The following EPHB1 variants were observed in gnomAD, a reference collection of about 807,000 sequenced individuals.
EPHB1 encodes ephrin type-B receptor 1.
Under a neutral mutation model 94.4 loss-of-function variants are expected in EPHB1, and 30 were observed. The observed-to-expected ratio is 0.32, with a 90% CI of 0.24 to 0.43. The LOEUF is 0.43. EPHB1 is among the 20% of genes least tolerant of loss of function. EPHB1 has a pLI of 1.00. For missense variants in EPHB1, 1,055 were observed against 1,308.3 expected, an observed-to-expected ratio of 0.81 and a Z score of 2.99; for synonymous variants, 522 against 489.1, an observed-to-expected ratio of 1.07 and a Z score of -0.89.
intron 1 of EPHB1, among the ~76,000 whole-genome samples, chr3:134,905,409 C>T (rs532021643): frequency 1.3e-4 from 20 of 152,338 alleles, no homozygotes; most frequent in East Asian, 3.9e-4. Flanking sequence ...TGTCACTTTC[C>T]GCATGTCAGG....
At chr3:135,049,712 G>C (rs1420861248) in intron 3 of EPHB1, among the ~76,000 whole-genome samples, 1 of 152,220 alleles carries the variant, frequency 6.6e-6, no homozygotes, top group Non-Finnish European at 1.5e-5. Flanking sequence ...CAGGTACTTT[G>C]GGGACCAGGT....
At chr3:135,127,687 A>G (rs1940259875) in intron 4 of EPHB1, among the ~76,000 whole-genome samples, 2 of 152,176 alleles carry the variant, frequency 1.3e-5, no homozygotes, top group South Asian at 4.1e-4. Context: ...AATGCCTGCA[A>G]ATAAACTCAC....
At chr3:135,236,472 G>C (rs1192226523) in intron 12 of EPHB1, among the ~76,000 whole-genome samples, 1 of 152,044 alleles carries the variant, frequency 6.6e-6, no homozygotes, top group African/African-American at 2.4e-5. Context: ...CTTTTGTGGG[G>C]ATATAACTCA....
At chr3:134,855,200 T>C (rs530453625) in intron 1 of EPHB1, among the ~76,000 whole-genome samples, 4 of 152,286 alleles carry the variant, frequency 2.6e-5, no homozygotes, top group African/African-American at 9.6e-5. Context: ...TCTTCTAAAA[T>C]AGAATGGGTT....
intron 3 of EPHB1, among the ~76,000 whole-genome samples, chr3:134,960,949 C>T (rs1168310181): frequency 6.6e-6 from 1 of 152,176 alleles, no homozygotes; most frequent in Admixed American, 6.5e-5. Flanking sequence ...CTGGTCAGAG[C>T]TGGAGTCACT....
intron 9 of EPHB1, among the ~76,000 whole-genome samples, chr3:135,176,396 G>A (rs1941978970): frequency 1.3e-5 from 2 of 152,130 alleles, no homozygotes; most frequent in African/African-American, 4.8e-5. Context: ...TTGCATAGAT[G>A]CAGCCATTAA....
At chr3:134,829,338 G>A (rs939307123) in intron 1 of EPHB1, among the ~76,000 whole-genome samples, 1 of 152,138 alleles carries the variant, frequency 6.6e-6, no homozygotes, top group Non-Finnish European at 1.5e-5. Context: ...TAAGACTTTG[G>A]GGGTGGGGGT....
At chr3:135,013,987 C>T (rs1316332786) in intron 3 of EPHB1, among the ~76,000 whole-genome samples, 2 of 152,112 alleles carry the variant, frequency 1.3e-5, no homozygotes, top group African/African-American at 4.8e-5. Flanking sequence ...ATGTTCATTC[C>T]TGCTTGAGTC....
chr3:134,904,977 A>C (rs1043724311), intron 1 of EPHB1, among the ~76,000 whole-genome samples: 2 of 152,146 alleles, frequency 1.3e-5, no homozygotes, highest in Non-Finnish European at 2.9e-5. Flanking sequence ...ACAGGACTGC[A>C]CTTGGAGAGA....
At chr3:135,049,039 G>T (rs1396428655) in intron 3 of EPHB1, among the ~76,000 whole-genome samples, 1 of 152,172 alleles carries the variant, frequency 6.6e-6, no homozygotes, top group Non-Finnish European at 1.5e-5. Context: ...ACAGTCCACT[G>T]GCTTTTTTGG....
chr3:134,799,652 C>T (rs981534195), intron 1 of EPHB1, among the ~76,000 whole-genome samples: 1 of 152,198 alleles, frequency 6.6e-6, no homozygotes, highest in Non-Finnish European at 1.5e-5. Context: ...TTGTGATGCT[C>T]CCGAGCCTGG....
chr3:135,042,345 T>C (rs1377537664), intron 3 of EPHB1, among the ~76,000 whole-genome samples: 2 of 152,194 alleles, frequency 1.3e-5, no homozygotes, highest in African/African-American at 2.4e-5. Context: ...CACTGTTACA[T>C]TGGGAATTAC....
At chr3:135,218,730 T>C (rs370982800) in intron 12 of EPHB1, among the ~76,000 whole-genome samples, 47 of 152,324 alleles carry the variant, frequency 3.1e-4, no homozygotes, top group African/African-American at 1.1e-3. Flanking sequence ...ACAAAACAGG[T>C]AGTTCCTGAG....
chr3:135,061,368 A>ACACCCCCCCCCCCCCC (rs1937501412), intron 3 of EPHB1, among the ~76,000 whole-genome samples: 1 of 111,372 alleles, frequency 9.0e-6, no homozygotes, highest in Non-Finnish European at 1.9e-5. Flanking sequence ...AGGAATGACC[A>ACACCCCCCCCCCCCCC]CCCCCCCCGA....
At chr3:134,861,944 A>G (rs1315540539) in intron 1 of EPHB1, among the ~76,000 whole-genome samples, 1 of 152,178 alleles carries the variant, frequency 6.6e-6, no homozygotes, top group Non-Finnish European at 1.5e-5. Context: ...CTTCTCCCAC[A>G]GCCAAGCTTG....
At position 134,795,408 on chromosome 3, in the gene EPHB1, C is replaced by G; in HGVS notation, c.-224C>G. 2.3e-6 allele frequency: 1 copy of G among 426,864 alleles called. No individual in the cohort carries two copies. The highest frequency in any genetic ancestry group is 3.2e-5 in the South Asian group (1 of 31,348). The allele number at this position is 426,864 out of a possible 1,614,324, so 26.4% of individuals were successfully genotyped here. A position where few individuals can be genotyped will look rare whatever the true frequency, so the allele number is the denominator to read the frequency against. On this transcript the variant is annotated 5_prime_UTR_variant, in exon 1 of 16. Transcript: ENST00000398015. ...CGCACACACCCACCTCTCCCATAAA[C>G]ACACACACACACATGCACACCCACA...
At chr3:134,932,965 G>A (rs1161991047) in intron 2 of EPHB1, among the ~76,000 whole-genome samples, 4 of 152,154 alleles carry the variant, frequency 2.6e-5, no homozygotes, top group Admixed American at 6.5e-5. Flanking sequence ...ACCTGATCGC[G>A]GATTGCTGGA....
intron 1 of EPHB1, among the ~76,000 whole-genome samples, chr3:134,833,880 C>T (rs775926100): frequency 2.0e-5 from 3 of 152,122 alleles, no homozygotes; most frequent in Non-Finnish European, 4.4e-5. Flanking sequence ...CTGTTAGGGG[C>T]GTGGGCTGAG....
intron 3 of EPHB1, among the ~76,000 whole-genome samples, chr3:135,076,466 C>A (rs527981753): frequency 6.6e-6 from 1 of 152,090 alleles, no homozygotes; most frequent in South Asian, 2.1e-4. Flanking sequence ...ATTTTAAATT[C>A]AAAAATGGAA....
Sources: gnomAD v4.1 joint callset for allele counts (sites outside exome capture counted in the v4.1 genomes callset) on GRCh38, gnomAD v4.1.1 for gene constraint, MANE v1.5 for transcripts, NCBI Gene and HGNC (gene_info 2026-07-23, HGNC 2026-07-21) for gene names.